PCDH9: variants seen among roughly 807,000 people sequenced by gnomAD.
PCDH9 encodes protocadherin-9.
In PCDH9, 24 loss-of-function variants were observed where a neutral mutation model predicts 70.6. The observed-to-expected ratio is 0.34, with a 90% CI of 0.25 to 0.48. The LOEUF is 0.48. Among genes scored for constraint, PCDH9 ranks in the 20% least tolerant of loss-of-function variants. The probability of loss-of-function intolerance (pLI) is 0.99; values close to 1 mark genes in which losing one functional copy is unlikely to be tolerated. For missense variants in PCDH9, 1,281 were observed against 1,503.6 expected (o/e 0.85, Z 2.45); for synonymous variants, 562 against 558.5 (o/e 1.01, Z -0.09).
chr13:66,752,877 G>A (rs1251613858), intron 3 of PCDH9, among the ~76,000 whole-genome samples: 1 of 152,190 alleles, frequency 6.6e-6, no homozygotes, highest in Non-Finnish European at 1.5e-5. Flanking sequence ...ATCTCAGTGA[G>A]ACAGGGAAAG....
intron 4 of PCDH9, among the ~76,000 whole-genome samples, chr13:66,354,693 T>C (rs544816491): frequency 1.3e-5 from 2 of 152,272 alleles, no homozygotes; most frequent in South Asian, 2.1e-4. Flanking sequence ...AGCTTTCATT[T>C]TGAACAGGCT....
At position 66,583,066 on chromosome 13, in the gene PCDH9, T is replaced by G. The variant is rs118021833; in HGVS notation, c.3340+48144A>C. ...TCCTCTGCTAAATAAGATCCACACATGGGCATAAGAATGCTCTTGAAATTG... is the reference window on the plus strand; with the variant it reads ...TCCTCTGCTAAATAAGATCCACACAGGGGCATAAGAATGCTCTTGAAATTG... On this transcript the variant is annotated intron_variant, in intron 4 of 4. Coordinates refer to ENST00000377865, the MANE Select transcript of PCDH9 (RefSeq NM_203487.3). Among the ~76,000 whole-genome samples the G allele has an allele frequency of 3.0e-4, 46 of 151,768 alleles. No individual in the cohort carries two copies. In the East Asian group the frequency reaches 8.6e-3, roughly 28 times the overall value.
intron 4 of PCDH9, among the ~76,000 whole-genome samples, chr13:66,431,387 G>C (rs1344202520): frequency 6.6e-6 from 1 of 151,892 alleles, no homozygotes; most frequent in Non-Finnish European, 1.5e-5. Context: ...TAAACAAATT[G>C]ATCAAGATCC....
chr13:66,882,355 C>A (rs1033909346), intron 3 of PCDH9, among the ~76,000 whole-genome samples: 1 of 152,114 alleles, frequency 6.6e-6, no homozygotes, highest in Non-Finnish European at 1.5e-5. Flanking sequence ...CAATGCCAGG[C>A]AAATGATGCA....
chr13:66,886,633 G>T (rs2082009134), intron 3 of PCDH9, among the ~76,000 whole-genome samples: 1 of 152,088 alleles, frequency 6.6e-6, no homozygotes. Flanking sequence ...TCCCTCATTT[G>T]CAGGGGTGAA....
At chr13:66,697,001 G>A (rs910078902) in intron 3 of PCDH9, among the ~76,000 whole-genome samples, 1 of 151,896 alleles carries the variant, frequency 6.6e-6, no homozygotes, top group African/African-American at 2.4e-5. Context: ...AGGAGGCTGA[G>A]GAGGGAGGAT....
chr13:66,501,376 A>T (rs1177209116), intron 4 of PCDH9, among the ~76,000 whole-genome samples: 5 of 152,106 alleles, frequency 3.3e-5, no homozygotes, highest in Non-Finnish European at 5.9e-5. Context: ...TCATCATTAA[A>T]CATTTTGCTG....
intron 4 of PCDH9, among the ~76,000 whole-genome samples, chr13:66,588,618 T>G (rs938882125): frequency 6.6e-6 from 1 of 151,916 alleles, no homozygotes; most frequent in African/African-American, 2.4e-5. Flanking sequence ...AAATAATTTT[T>G]TTTCCCTACA....
intron 4 of PCDH9, among the ~76,000 whole-genome samples, chr13:66,559,453 G>A (rs151087190): frequency 1.3e-5 from 2 of 152,152 alleles, no homozygotes; most frequent in East Asian, 3.9e-4. Context: ...TTAACATTAT[G>A]AAACTGGACT....
chr13:66,405,067 A>T (rs1278089651), intron 4 of PCDH9, among the ~76,000 whole-genome samples: 1 of 152,154 alleles, frequency 6.6e-6, no homozygotes, highest in East Asian at 1.9e-4. Flanking sequence ...ATTTAAGCAA[A>T]TTTACTGATC....
chr13:67,106,226 T>C (rs1389887082), intron 2 of PCDH9, among the ~76,000 whole-genome samples: 10 of 152,232 alleles, frequency 6.6e-5, no homozygotes. Context: ...CTTGGGGCTC[T>C]GCTCTATATA....
intron 3 of PCDH9, among the ~76,000 whole-genome samples, chr13:66,740,749 A>G (rs962489835): frequency 2.6e-5 from 4 of 152,034 alleles, no homozygotes; most frequent in East Asian, 1.9e-4. Flanking sequence ...AGAAGAAATG[A>G]ATAAATTCCT....
intron 3 of PCDH9, among the ~76,000 whole-genome samples, chr13:66,761,115 G>T (rs750510060): frequency 9.2e-5 from 14 of 152,048 alleles, no homozygotes; most frequent in Non-Finnish European, 1.6e-4. Flanking sequence ...GGAAGCATGT[G>T]ATCTCTGCGA....
At chr13:66,711,085 A>G (rs1196063586) in intron 3 of PCDH9, among the ~76,000 whole-genome samples, 1 of 152,158 alleles carries the variant, frequency 6.6e-6, no homozygotes, top group Non-Finnish European at 1.5e-5. Context: ...CTACCACTCA[A>G]ACAAAATAAT....
intron 2 of PCDH9, among the ~76,000 whole-genome samples, chr13:67,056,651 C>T (rs538184050): frequency 5.7e-4 from 87 of 152,226 alleles, no homozygotes; most frequent in African/African-American, 2.0e-3. Flanking sequence ...ACTGATTAAC[C>T]TCTCAATTCA....
intron 2 of PCDH9, among the ~76,000 whole-genome samples, chr13:66,995,391 A>G (rs2084092618): frequency 6.6e-6 from 1 of 152,192 alleles, no homozygotes; most frequent in African/African-American, 2.4e-5. Flanking sequence ...CAAGGGCAGC[A>G]CGGTCCCCAA....
intron 4 of PCDH9, among the ~76,000 whole-genome samples, chr13:66,609,404 G>GT (rs1443062890): frequency 6.6e-6 from 1 of 151,804 alleles, no homozygotes; most frequent in East Asian, 1.9e-4. Flanking sequence ...TTATCTCCTC[G>GT]TAGAACTTTT....
At chr13:66,476,128 A>G (rs1321513346) in intron 4 of PCDH9, among the ~76,000 whole-genome samples, 1 of 152,046 alleles carries the variant, frequency 6.6e-6, no homozygotes, top group Non-Finnish European at 1.5e-5. Context: ...ATGCCCTAGA[A>G]TCATACCTGA....
intron 4 of PCDH9, among the ~76,000 whole-genome samples, chr13:66,337,910 T>C (rs993674338): frequency 2.6e-5 from 4 of 152,052 alleles, no homozygotes; most frequent in African/African-American, 9.7e-5. Flanking sequence ...ACTAAGAATA[T>C]GGCAACAGTG....
Sources: gnomAD v4.1 joint callset for allele counts (sites outside exome capture counted in the v4.1 genomes callset) on GRCh38, gnomAD v4.1.1 for gene constraint, MANE v1.5 for transcripts, NCBI Gene and HGNC (gene_info 2026-07-23, HGNC 2026-07-21) for gene names.